RBFOX1: variants seen among roughly 807,000 people sequenced by gnomAD.
RBFOX1 encodes RNA binding protein fox-1 homolog 1.
In RBFOX1, 8 loss-of-function variants were observed where a neutral mutation model predicts 57.7. The observed-to-expected ratio is 0.14, with a 90% CI of 0.08 to 0.25. The LOEUF (loss-of-function observed/expected upper bound fraction) is 0.25, where lower values mean the gene tolerates loss of function less well. RBFOX1 is among the 10% of genes least tolerant of loss of function. The pLI is 1.00. For synonymous variants in RBFOX1, 326 were observed against 222.4 expected (o/e 1.47, Z -4.15); for missense variants, 611 against 548.5 (o/e 1.11, Z -1.14).
chr16:6,227,920 A>G (rs1254348695), intron 1 of RBFOX1, among the ~76,000 whole-genome samples: 1 of 152,226 alleles, frequency 6.6e-6, no homozygotes, highest in African/African-American at 2.4e-5. Context: ...CATATGATTC[A>G]GCAACCTCAC....
chr16:5,641,983 C>G (rs1489865548), intron 3 of RBFOX1, among the ~76,000 whole-genome samples: 1 of 152,152 alleles, frequency 6.6e-6, no homozygotes, highest in African/African-American at 2.4e-5. Flanking sequence ...ACTCGTGATT[C>G]TGGATCTCGA....
intron 3 of RBFOX1, among the ~76,000 whole-genome samples, chr16:5,750,297 T>A (rs570588801): frequency 8.9e-4 from 135 of 152,318 alleles, no homozygotes; most frequent in Non-Finnish European, 1.5e-3. Flanking sequence ...GCCTCCCAGT[T>A]AGGCTACTCG....
Position 5,659,765 on chromosome 16 carries a change from A to G in RBFOX1, c.318+60804A>G, listed in dbSNP as rs78492710. On this transcript the variant is annotated intron_variant, in intron 3 of 19. Transcript: ENST00000641259. ...TTTCGTCCAGTTACCAAGGTAGAGA[A>G]CAAACCACAGGTGGTTTTTAGCAGA... Among the ~76,000 whole-genome samples the G allele has an allele frequency of 0.014, 2,131 of 152,298 alleles. 126 individuals carry two copies. The East Asian group carries it at 0.19, about 13-fold the overall frequency.
chr16:6,344,602 T>C (rs982309454), intron 2 of RBFOX1, among the ~76,000 whole-genome samples: 1 of 151,516 alleles, frequency 6.6e-6, no homozygotes, highest in Non-Finnish European at 1.5e-5. Context: ...TTTCAGCGTG[T>C]TAGCCAGGAT....
chr16:5,570,499 TG>T (rs1464562454), intron 2 of RBFOX1, among the ~76,000 whole-genome samples: 1 of 152,160 alleles, frequency 6.6e-6, no homozygotes, highest in Non-Finnish European at 1.5e-5. Flanking sequence ...GCTTAACAGC[TG>T]GTCAGGTCAG....
At chr16:6,369,189 A>C (rs923306298) in intron 2 of RBFOX1, among the ~76,000 whole-genome samples, 2 of 152,198 alleles carry the variant, frequency 1.3e-5, no homozygotes, top group East Asian at 3.9e-4. Flanking sequence ...AAGCAGATAC[A>C]TCTTGTATTA....
In RBFOX1 at chr16:5,274,970, C is replaced by G. The variant is rs183050732; in HGVS notation, c.219+34865C>G. Among the ~76,000 whole-genome samples the G allele has an allele frequency of 1.3e-4, 20 of 152,268 alleles. No individual in the cohort carries two copies. In the East Asian group the frequency reaches 3.7e-3, roughly 28 times the overall value. On this transcript the variant is annotated intron_variant, in intron 1 of 2. Transcript: ENST00000585867. ...GGCTTATCACCTCATGTACTAAGAC[C>G]GGAGATAGCTGATGCGAAGCTTGGG...
chr16:6,886,277 G>T (rs1387363880), intron 3 of RBFOX1, among the ~76,000 whole-genome samples: 1 of 151,830 alleles, frequency 6.6e-6, no homozygotes, highest in Non-Finnish European at 1.5e-5. Flanking sequence ...GGCCAGGATA[G>T]TCTCGATCTC....
intron 1 of RBFOX1, among the ~76,000 whole-genome samples, chr16:5,405,943 G>A (rs561686618): frequency 6.6e-6 from 1 of 152,296 alleles, no homozygotes; most frequent in East Asian, 1.9e-4. Context: ...CTCTGGGGAA[G>A]AGAGAACATC....
intron 3 of RBFOX1, among the ~76,000 whole-genome samples, chr16:6,820,107 A>G (rs926891882): frequency 4.6e-5 from 7 of 152,148 alleles, no homozygotes; most frequent in Admixed American, 3.9e-4. Flanking sequence ...AGTAAGTCTC[A>G]TGAAATCTGA....
intron 4 of RBFOX1, among the ~76,000 whole-genome samples, chr16:7,408,269 G>A (rs1404997095): frequency 6.6e-6 from 1 of 152,140 alleles, no homozygotes; most frequent in Non-Finnish European, 1.5e-5. Context: ...GCTATGTTTA[G>A]TGAGATAAAT....
intron 2 of RBFOX1, among the ~76,000 whole-genome samples, chr16:6,362,038 C>T (rs2088643397): frequency 6.6e-6 from 1 of 152,020 alleles, no homozygotes; most frequent in Non-Finnish European, 1.5e-5. Flanking sequence ...GTTCTAGTGT[C>T]CTGAAGCAAA....
chr16:7,276,905 T>G (rs1175818464), intron 4 of RBFOX1, among the ~76,000 whole-genome samples: 1 of 152,208 alleles, frequency 6.6e-6, no homozygotes, highest in Non-Finnish European at 1.5e-5. Flanking sequence ...AAATGTTTAG[T>G]GATAAACAGT....
At chr16:6,919,154 T>C in intron 3 of RBFOX1, among the ~76,000 whole-genome samples, 1 of 151,948 alleles carries the variant, frequency 6.6e-6, no homozygotes, top group Non-Finnish European at 1.5e-5. Context: ...TAGTTTTTTG[T>C]ATTGTTTTTT....
At chr16:6,412,417 A>G (rs545064470) in intron 2 of RBFOX1, among the ~76,000 whole-genome samples, 9 of 152,258 alleles carry the variant, frequency 5.9e-5, no homozygotes, top group African/African-American at 2.2e-4. Flanking sequence ...TCTCTGGTTG[A>G]TAGAGGATGC....
chr16:6,852,763 C>G (rs547491225), intron 3 of RBFOX1, among the ~76,000 whole-genome samples: 167 of 152,020 alleles, frequency 1.1e-3, no homozygotes, highest in Non-Finnish European at 1.9e-3. Context: ...ATGCTGGGAA[C>G]TAGCTGTCTG....
intron 4 of RBFOX1, among the ~76,000 whole-genome samples, chr16:7,429,428 G>T (rs534696550): frequency 5.9e-5 from 9 of 152,322 alleles, no homozygotes; most frequent in Non-Finnish European, 1.0e-4. Flanking sequence ...AAGTGATCCT[G>T]CCCAGCCAAC....
intron 4 of RBFOX1, among the ~76,000 whole-genome samples, chr16:7,509,404 G>GTGTGTGTGTCTGTGTC (rs2074354658): frequency 2.7e-5 from 4 of 147,652 alleles, no homozygotes; most frequent in African/African-American, 1.0e-4. Flanking sequence ...GTGTGTGTGT[G>GTGTGTGTGTCTGTGTC]TGTGTGTGTG....
intron 3 of RBFOX1, among the ~76,000 whole-genome samples, chr16:6,774,835 T>C (rs184163621): frequency 1.3e-5 from 2 of 152,228 alleles, no homozygotes; most frequent in East Asian, 3.9e-4. Context: ...ATGGGCCTAC[T>C]GAGCATTTGA....
Sources: allele counts gnomAD v4.1 joint callset (sites outside exome capture counted in the v4.1 genomes callset), GRCh38; gene constraint gnomAD v4.1.1; transcripts MANE v1.5; gene names NCBI Gene and HGNC (gene_info 2026-07-23, HGNC 2026-07-21).